The following SOS2 variants were observed in gnomAD, a reference collection of about 807,000 sequenced individuals.
SOS2 encodes SOS Ras/Rho guanine nucleotide exchange factor 2, also known as son of sevenless homolog 2.
In SOS2, 65 loss-of-function variants were observed where a neutral mutation model predicts 148.2. The ratio of observed to expected loss-of-function variants is 0.44; its 90% CI spans 0.36 to 0.54. The LOEUF is 0.54. Among genes scored for constraint, SOS2 ranks in the 20% least tolerant of loss-of-function variants. The probability of loss-of-function intolerance (pLI) is 0.00; values close to 1 mark genes in which losing one functional copy is unlikely to be tolerated. For missense variants in SOS2, 1,341 were observed against 1,590.2 expected (o/e 0.84, Z 2.67); for synonymous variants, 539 against 537.1 (o/e 1.00, Z -0.05).
intron 5 of SOS2, among the ~76,000 whole-genome samples, chr14:50,188,070 C>T (rs1172481284): frequency 2.0e-5 from 3 of 152,148 alleles, no homozygotes; most frequent in Non-Finnish European, 2.9e-5. Context: ...CCCACAAATA[C>T]ATGAAAGTAT....
At chr14:50,203,019 C>T (rs562594120) in intron 2 of SOS2, among the ~76,000 whole-genome samples, 2 of 151,768 alleles carry the variant, frequency 1.3e-5, no homozygotes, top group East Asian at 1.9e-4. Context: ...ATTAGCTGGG[C>T]GCAGTGACAC....
chr14:50,225,542 G>A (rs767659277), intron 1 of SOS2, among the ~76,000 whole-genome samples: 1 of 152,160 alleles, frequency 6.6e-6, no homozygotes, highest in Non-Finnish European at 1.5e-5. Flanking sequence ...AATCATTGCT[G>A]ACAGGGAGCC....
chr14:50,187,508 C>T lies in SOS2; in HGVS notation c.714+989G>A, dbSNP rs542312228. On this transcript the variant is annotated intron_variant, in intron 5 of 22. Coordinates refer to ENST00000216373, the MANE Select transcript of SOS2 (RefSeq NM_006939.4). ...GACTACAGGCGCCCACCACTACGCC[C>T]GGCTAACTTTTTTGTATTTTTTAGT... Among the ~76,000 whole-genome samples, 533 of 152,022 alleles carry T rather than the reference C, an allele frequency of 3.5e-3. 2 individuals are homozygous for T. The highest frequency in any genetic ancestry group is 0.016 in the South Asian group (76 of 4,804).
At chr14:50,159,328 G>A (rs1884924129) in intron 10 of SOS2, 103 bp downstream of exon 10, 4 of 633,558 alleles carry the variant, frequency 6.3e-6, no homozygotes, top group Non-Finnish European at 8.1e-6. Context: ...TTATATTTTG[G>A]AGGCAATCCA....
At chr14:50,202,063 A>G (rs1258750119) in intron 2 of SOS2, among the ~76,000 whole-genome samples, 1 of 152,144 alleles carries the variant, frequency 6.6e-6, no homozygotes, top group Non-Finnish European at 1.5e-5. Context: ...CCCAGACTCC[A>G]ATGATCCTCC....
rs1318107059 is a variant in SOS2 at position 50,150,222 on chromosome 14, T to C, written c.2170A>G (p.Met724Val). The change falls in exon 14 of 23, where the codon ATG becomes GTG. Residue 724 changes from methionine (M) to valine (V), a missense_variant. Coordinates refer to ENST00000216373, the MANE Select transcript of SOS2 (RefSeq NM_006939.4). ...SFISSVRGKA[M>V]KKWVESIAKI... ...GCAATTGACTCTACCCATTTTTTCA[T>C]AGCTTTCCCTGGAAAAAGAACACAT... 6 of 1,602,670 alleles carry C rather than the reference T, an allele frequency of 3.7e-6. No individual in the cohort carries two copies. The South Asian group carries it at 4.4e-5, about 12-fold the overall frequency.
intron 21 of SOS2, among the ~76,000 whole-genome samples, chr14:50,125,659 A>C (rs1883658801): frequency 6.6e-6 from 1 of 152,158 alleles, no homozygotes; most frequent in African/African-American, 2.4e-5. Context: ...CACAGAACCA[A>C]ATAAGGATTC....
At chr14:50,218,394 G>T (rs1383582810) in intron 1 of SOS2, among the ~76,000 whole-genome samples, 1 of 151,456 alleles carries the variant, frequency 6.6e-6, no homozygotes, top group Non-Finnish European at 1.5e-5. Context: ...ATGATGGTGG[G>T]TGCCTGCAAT....
intron 1 of SOS2, among the ~76,000 whole-genome samples, chr14:50,222,758 G>C (rs941372835): frequency 1.3e-5 from 2 of 152,176 alleles, no homozygotes; most frequent in African/African-American, 4.8e-5. Context: ...AGGTAAAAGC[G>C]GGAGGTGGGG....
intron 3 of SOS2, 50 bp from the exon 4 acceptor site, chr14:50,199,905 T>C (rs1595017428): frequency 8.6e-7 from 1 of 1,167,140 alleles, no homozygotes; most frequent in East Asian, 2.6e-5. Flanking sequence ...CTGTCAAGTA[T>C]TACACACTTA....
At chr14:50,194,363 C>T (rs1319681934) in intron 4 of SOS2, among the ~76,000 whole-genome samples, 1 of 150,674 alleles carries the variant, frequency 6.6e-6, no homozygotes, top group African/African-American at 2.4e-5. Context: ...AACTAAAAGG[C>T]AGGAATGAAG....
At chr14:50,214,926 C>A (rs1886998910) in intron 1 of SOS2, among the ~76,000 whole-genome samples, 1 of 151,510 alleles carries the variant, frequency 6.6e-6, no homozygotes, top group African/African-American at 2.4e-5. Context: ...AGCTTCGCCA[C>A]CCGGGTTCAC....
At chr14:50,159,376 A>G in intron 10 of SOS2, 55 bp downstream of exon 10, 2 of 1,203,888 alleles carry the variant, frequency 1.7e-6, no homozygotes, top group East Asian at 2.4e-5. Context: ...GAGCATCCTT[A>G]AAAAGCTTTT....
chr14:50,123,781 T>C (rs1883599266), intron 21 of SOS2, among the ~76,000 whole-genome samples: 1 of 152,200 alleles, frequency 6.6e-6, no homozygotes, highest in African/African-American at 2.4e-5. Context: ...GTGGAGAAGA[T>C]AATAAGTCAG....
chr14:50,184,064 T>C lies in SOS2; in HGVS notation c.715-1458A>G, dbSNP rs73289625. The stretch of plus-strand genomic sequence containing the variant: ...TGTTAAGTATTTGTGTATCTAAACA[T>C]ATCTATATAGAGAAAAGGTACAGTA... On this transcript the variant is annotated intron_variant, in intron 5 of 22. Transcript: ENST00000216373. 4.9e-3 allele frequency among the ~76,000 whole-genome samples: 742 copies of C among 152,320 alleles called. 7 individuals carry two copies. The highest frequency in any genetic ancestry group is 0.017 in the African/African-American group (703 of 41,556).
chr14:50,134,098 G>T, intron 19 of SOS2, 25 bp downstream of exon 19: 2 of 1,089,966 alleles, frequency 1.8e-6, no homozygotes, highest in Non-Finnish European at 2.8e-6. Flanking sequence ...CAGAACACTT[G>T]TTCCCGAAAT....
intron 8 of SOS2, among the ~76,000 whole-genome samples, chr14:50,169,965 A>G (rs908245105): frequency 6.6e-6 from 1 of 152,076 alleles, no homozygotes; most frequent in African/African-American, 2.4e-5. Flanking sequence ...TCACTCTGTC[A>G]TCTAGGCTGG....
In SOS2 at chr14:50,120,355, G is replaced by T; in HGVS notation, c.3409C>A (p.His1137Asn). Reference protein sequence around the residue: ...KSFFSSCGSLHKLSEEPLIPP... With the variant: ...KSFFSSCGSLNKLSEEPLIPP... ...ATCAGGGGCTCTTCACTTAGTTTAT[G>T]TAAACTACCACATGAACTAAAGAAA... is the stretch of plus-strand genomic sequence containing the variant. The change falls in exon 22 of 23, where the codon CAT (histidine) becomes AAT (asparagine). Residue 1137 changes from histidine (H) to asparagine (N), a missense_variant. Physicochemically the swap from His to Asn is moderately conservative, Grantham distance 68. Transcript: ENST00000216373. 1 of 1,599,694 alleles carries T rather than the reference G, an allele frequency of 6.3e-7. No homozygotes were observed. Among genetic ancestry groups the T allele is most frequent in the Non-Finnish European group, 8.6e-7 (1 of 1,168,522 alleles).
chr14:50,158,562 T>C lies in SOS2; in HGVS notation c.1934+3A>G. ...ATATAACTGAAATACATATTTTTCTTACCGTTCAATCAGTAAGCTCAGCAA... is the reference window on the plus strand; with the variant it reads ...ATATAACTGAAATACATATTTTTCTCACCGTTCAATCAGTAAGCTCAGCAA... On this transcript the variant is annotated splice_donor_region_variant and intron_variant, in intron 11 of 22. Transcript: ENST00000216373. The C allele has an allele frequency of 6.4e-7, 1 of 1,563,030 alleles. No individual in the cohort carries two copies.
Sources: allele counts gnomAD v4.1 joint callset (sites outside exome capture counted in the v4.1 genomes callset), GRCh38; gene constraint gnomAD v4.1.1; transcripts MANE v1.5; gene names NCBI Gene and HGNC (gene_info 2026-07-23, HGNC 2026-07-21).